PTPN13: variants seen among roughly 807,000 people sequenced by gnomAD.
PTPN13 encodes the protein tyrosine-protein phosphatase non-receptor type 13.
Under a neutral mutation model 284.0 loss-of-function variants are expected in PTPN13, and 191 were observed. The observed-to-expected ratio is 0.67, with a 90% confidence interval of 0.60 to 0.76. The LOEUF is 0.76. Among genes scored for constraint, PTPN13 ranks in the 30% least tolerant of loss-of-function variants. The probability of loss-of-function intolerance (pLI) is 0.00; values close to 1 mark genes in which losing one functional copy is unlikely to be tolerated. For synonymous variants in PTPN13, 986 were observed against 1,022.3 expected (o/e 0.96, Z 0.68); for missense variants, 2,797 against 2,939.9 (o/e 0.95, Z 1.12).
chr4:86,652,799 T>C (rs1427630896), intron 2 of PTPN13, among the ~76,000 whole-genome samples: 1 of 152,150 alleles, frequency 6.6e-6, no homozygotes, highest in Non-Finnish European at 1.5e-5. Flanking sequence ...ATTCATACTG[T>C]AGGTTTGAAG....
In PTPN13 at chr4:86,799,165, T is replaced by C. The variant is rs1158811049; in HGVS notation, c.6466T>C (p.Leu2156=). ...DDEITWGNDE[L]PIERTNHEDS... ...TGAAATAACATGGGGAAATGATGAG[T>C]TGCCAATAGAGAGAACAAACCATGA... The change falls in exon 42 of 48, where the codon TTG becomes CTG. Residue 2156 remains leucine (L), a synonymous_variant. Transcript: ENST00000411767. 6 of 1,591,180 alleles carry C rather than the reference T, an allele frequency of 3.8e-6. No individual in the cohort carries two copies. The highest frequency in any genetic ancestry group is 5.1e-6 in the Non-Finnish European group (6 of 1,169,134).
At chr4:86,660,961 A>G (rs1726417936) in intron 2 of PTPN13, among the ~76,000 whole-genome samples, 1 of 152,136 alleles carries the variant, frequency 6.6e-6, no homozygotes, top group Non-Finnish European at 1.5e-5. Context: ...TACTCACTAT[A>G]TTTATTGTTT....
At chr4:86,797,129 C>T (rs552546562) in intron 41 of PTPN13, among the ~76,000 whole-genome samples, 200 bp downstream of exon 41, 41 of 152,038 alleles carry the variant, frequency 2.7e-4, no homozygotes, top group African/African-American at 9.6e-4. Flanking sequence ...GAGGCTGGGG[C>T]GGGCAGATCA....
rs1328673443 is a variant in PTPN13 at position 86,807,729 on chromosome 4, A to G, written c.6915A>G (p.Ile2305Met). 6.2e-7 allele frequency: 1 copy of G among 1,614,066 alleles called. No individual in the cohort carries two copies. The highest frequency in any genetic ancestry group is 1.1e-5 in the South Asian group (1 of 91,084). ...QMIWEQKSTV[I>M]AMMTQEVEGE... ...TTTGGGAGCAAAAATCCACAGTGAT[A>G]GCCATGATGACTCAAGAAGTAGAAG... The change falls in exon 45 of 48, where the codon ATA (isoleucine) becomes ATG (methionine). Residue 2305 changes from isoleucine (I) to methionine (M), a missense_variant. Physicochemically the swap from Ile to Met is conservative, Grantham distance 10. Coordinates refer to ENST00000411767, the MANE Select transcript of PTPN13 (RefSeq NM_080683.3).
In PTPN13 at chr4:86,776,537, G is replaced by A. The variant is rs559974689; in HGVS notation, c.5891+885G>A. ...AGGTCAATCTCTAAGTTGGAAGCAA[G>A]GGATAAGAATATACAGATGCTCCTC... On this transcript the variant is annotated intron_variant, in intron 35 of 47. Coordinates refer to ENST00000411767, the MANE Select transcript of PTPN13 (RefSeq NM_080683.3). 2.0e-5 allele frequency among the ~76,000 whole-genome samples: 3 copies of A among 152,284 alleles called. No homozygotes were observed. In the South Asian group the frequency reaches 6.2e-4, roughly 32 times the overall value.
chr4:86,747,185 A>G (rs370055119), intron 17 of PTPN13, among the ~76,000 whole-genome samples: 2 of 152,258 alleles, frequency 1.3e-5, no homozygotes, highest in East Asian at 3.8e-4. Flanking sequence ...GAAGAACAAT[A>G]TGGTATAGCA....
chr4:86,795,802 C>T (rs992168507), intron 40 of PTPN13, among the ~76,000 whole-genome samples: 10 of 152,164 alleles, frequency 6.6e-5, no homozygotes, highest in Admixed American at 1.3e-4. Flanking sequence ...GAAAACCAAA[C>T]ACCACATGTT....
intron 15 of PTPN13, among the ~76,000 whole-genome samples, chr4:86,741,430 G>T (rs1390453439): frequency 6.6e-6 from 1 of 152,158 alleles, no homozygotes; most frequent in Non-Finnish European, 1.5e-5. Flanking sequence ...CAGATCTTAT[G>T]AGACTTATTC....
At chr4:86,762,077 A>G (rs760656938) in intron 23 of PTPN13, among the ~76,000 whole-genome samples, 8 of 152,202 alleles carry the variant, frequency 5.3e-5, no homozygotes, top group Non-Finnish European at 1.2e-4. Flanking sequence ...GGTTCAAGTG[A>G]TTCTTCTGCC....
intron 10 of PTPN13, among the ~76,000 whole-genome samples, chr4:86,723,847 A>AT (rs1733937439): frequency 1.3e-5 from 2 of 152,094 alleles, no homozygotes; most frequent in Non-Finnish European, 2.9e-5. Flanking sequence ...ATCTAGAATG[A>AT]TTTTTTTCTT....
At chr4:86,659,988 T>C (rs750994917) in intron 2 of PTPN13, among the ~76,000 whole-genome samples, 37 of 152,178 alleles carry the variant, frequency 2.4e-4, no homozygotes, top group Non-Finnish European at 5.1e-4. Flanking sequence ...TGTGAGTACT[T>C]ATGTATTTCA....
Position 86,595,930 on chromosome 4 carries a change from G to A in PTPN13, c.-6+1141G>A, listed in dbSNP as rs990477621. On this transcript the variant is annotated intron_variant, in intron 1 of 47. Transcript: ENST00000411767. The stretch of plus-strand genomic sequence containing the variant: ...TCATGACTGTGTTGGCAGGGTCCAG[G>A]TGAAAACTTGCTTCATGCTCATTGG... 3.5e-5 allele frequency: 8 copies of A among 231,286 alleles called. No individual in the cohort carries two copies. In the Admixed American group the frequency reaches 5.2e-4, roughly 15 times the overall value. The allele number at this position is 231,286 out of a possible 1,614,324, so 14.3% of individuals were successfully genotyped here. A position where few individuals can be genotyped will look rare whatever the true frequency, so the allele number is the denominator to read the frequency against.
chr4:86,761,374 T>G (rs1373806135), intron 23 of PTPN13, among the ~76,000 whole-genome samples: 2 of 152,044 alleles, frequency 1.3e-5, no homozygotes, highest in Non-Finnish European at 1.5e-5. Context: ...ATAATTCTAT[T>G]ATAAATGTTA....
chr4:86,711,407 A>G (rs942091202), intron 7 of PTPN13, among the ~76,000 whole-genome samples: 4 of 152,024 alleles, frequency 2.6e-5, no homozygotes, highest in African/African-American at 9.7e-5. Context: ...GAATATATTG[A>G]TATAAGTTTT....
chr4:86,736,465 T>C (rs1264259053), intron 15 of PTPN13, among the ~76,000 whole-genome samples: 4 of 152,160 alleles, frequency 2.6e-5, no homozygotes, highest in African/African-American at 9.6e-5. Flanking sequence ...TAGAAAGAAA[T>C]CAAGTTTACC....
intron 10 of PTPN13, among the ~76,000 whole-genome samples, chr4:86,731,420 ACTTTCCCCATC>A (rs1436153178): frequency 3.3e-5 from 5 of 152,208 alleles, no homozygotes; most frequent in South Asian, 2.1e-4. Flanking sequence ...TTTGCACTCT[ACTTTCCCCATC>A]TCATGGGTCC....
intron 4 of PTPN13, among the ~76,000 whole-genome samples, 200 bp downstream of exon 4, chr4:86,686,975 G>A (rs751629988): frequency 6.6e-6 from 1 of 152,098 alleles, no homozygotes; most frequent in Non-Finnish European, 1.5e-5. Flanking sequence ...TATTTTTAAG[G>A]TATTCCTAGA....
At chr4:86,730,326 C>T (rs1734790032) in intron 10 of PTPN13, among the ~76,000 whole-genome samples, 1 of 149,948 alleles carries the variant, frequency 6.7e-6, no homozygotes, top group Non-Finnish European at 1.5e-5. Flanking sequence ...GGGAGAACCA[C>T]TGCTCTCTTC....
At chr4:86,638,211 C>T (rs1723278563) in intron 2 of PTPN13, among the ~76,000 whole-genome samples, 1 of 152,208 alleles carries the variant, frequency 6.6e-6, no homozygotes, top group African/African-American at 2.4e-5. Context: ...ATTCCATGCT[C>T]ATGGGTAGGA....
Sources: allele counts gnomAD v4.1 joint callset (sites outside exome capture counted in the v4.1 genomes callset), GRCh38; gene constraint gnomAD v4.1.1; transcripts MANE v1.5; gene names NCBI Gene and HGNC (gene_info 2026-07-23, HGNC 2026-07-21).